DENND1A: variants seen among roughly 807,000 people sequenced by gnomAD.
DENND1A encodes DENN domain-containing protein 1A.
Under a neutral mutation model 113.7 loss-of-function variants are expected in DENND1A, and 51 were observed. That is an observed-to-expected ratio of 0.45 (90% CI 0.36 to 0.57). The LOEUF is 0.57. DENND1A is among the 20% of genes least tolerant of loss of function. The pLI is 0.00. For synonymous variants in DENND1A, 565 were observed against 570.8 expected, an observed-to-expected ratio of 0.99 and a Z score of 0.14; for missense variants, 1,258 against 1,395.9, an observed-to-expected ratio of 0.90 and a Z score of 1.57.
At chr9:123,689,098 C>T (rs1307982174) in intron 5 of DENND1A, among the ~76,000 whole-genome samples, 1 of 152,172 alleles carries the variant, frequency 6.6e-6, no homozygotes, top group Non-Finnish European at 1.5e-5. Flanking sequence ...GATCTCGGCT[C>T]ACTGCAACCT....
intron 13 of DENND1A, among the ~76,000 whole-genome samples, chr9:123,532,899 C>G (rs984082534): frequency 1.3e-5 from 2 of 152,202 alleles, no homozygotes; most frequent in Non-Finnish European, 1.5e-5. Context: ...AATAAGGCTG[C>G]AGGCCAGAGC....
chr9:123,870,346 T>A (rs1215963453), intron 2 of DENND1A, among the ~76,000 whole-genome samples: 1 of 151,330 alleles, frequency 6.6e-6, no homozygotes, highest in East Asian at 1.9e-4. Context: ...CGCGGCTCAC[T>A]GCAACCTCCA....
intron 1 of DENND1A, among the ~76,000 whole-genome samples, chr9:123,911,006 T>C (rs1466046709): frequency 1.3e-5 from 2 of 152,274 alleles, no homozygotes; most frequent in Admixed American, 6.5e-5. Context: ...TGAAGAAAGA[T>C]TTTTGTAATA....
At chr9:123,735,403 T>TG (rs1470904340) in intron 5 of DENND1A, among the ~76,000 whole-genome samples, 1 of 152,126 alleles carries the variant, frequency 6.6e-6, no homozygotes, top group Non-Finnish European at 1.5e-5. Context: ...AGATCATAAG[T>TG]GGGCAAGAGC....
intron 2 of DENND1A, among the ~76,000 whole-genome samples, chr9:123,877,350 G>A (rs185821603): frequency 2.0e-5 from 3 of 151,950 alleles, no homozygotes; most frequent in Non-Finnish European, 2.9e-5. Flanking sequence ...TTAGCCGGAC[G>A]TGGTGGTGGG....
chr9:123,647,811 T>C (rs1249987518), intron 9 of DENND1A, among the ~76,000 whole-genome samples: 1 of 152,174 alleles, frequency 6.6e-6, no homozygotes, highest in African/African-American at 2.4e-5. Context: ...TTGGTAGTCA[T>C]GAGAACTATT....
chr9:123,632,163 T>A (rs368417704), intron 9 of DENND1A, among the ~76,000 whole-genome samples: 37 of 152,284 alleles, frequency 2.4e-4, no homozygotes, highest in African/African-American at 6.0e-4. Flanking sequence ...TTGTGAGAGC[T>A]GTGTGTTAAA....
chr9:123,408,832 G>C (rs2044088721), intron 20 of DENND1A, among the ~76,000 whole-genome samples: 2 of 152,368 alleles, frequency 1.3e-5, no homozygotes, highest in South Asian at 4.1e-4. Context: ...ACAACACAGA[G>C]TCCACTGTAG....
At chr9:123,579,777 G>A (rs1005523406) in intron 12 of DENND1A, among the ~76,000 whole-genome samples, 1 of 152,188 alleles carries the variant, frequency 6.6e-6, no homozygotes, top group African/African-American at 2.4e-5. Flanking sequence ...GGCAGGGCAC[G>A]ATTTCTCCTC....
intron 19 of DENND1A, among the ~76,000 whole-genome samples, chr9:123,412,900 T>A (rs1245855174): frequency 6.6e-6 from 1 of 152,244 alleles, no homozygotes; most frequent in East Asian, 1.9e-4. Context: ...ATGTCCCATG[T>A]GTCTGGTCCA....
At chr9:123,383,508 TAC>T (rs2042392416) in intron 23 of DENND1A, 145 bp downstream of exon 23, 4 of 1,307,786 alleles carry the variant, frequency 3.1e-6, no homozygotes, top group East Asian at 4.7e-5. Context: ...GGGAGGTGTT[TAC>T]AGTCACACTG....
chr9:123,884,200 G>A (rs1255814511), intron 1 of DENND1A, among the ~76,000 whole-genome samples: 2 of 152,100 alleles, frequency 1.3e-5, no homozygotes, highest in African/African-American at 4.8e-5. Context: ...GAGGCTCTCT[G>A]CGACCACCTT....
intron 10 of DENND1A, among the ~76,000 whole-genome samples, chr9:123,616,562 G>C (rs1295932762): frequency 1.3e-5 from 2 of 152,136 alleles, no homozygotes; most frequent in Non-Finnish European, 2.9e-5. Context: ...AAAGAAATAG[G>C]AGCTAAGGGG....
At chr9:123,781,897 C>A (rs1407935583) in intron 3 of DENND1A, among the ~76,000 whole-genome samples, 1 of 152,026 alleles carries the variant, frequency 6.6e-6, no homozygotes, top group Non-Finnish European at 1.5e-5. Context: ...TGGCAAAACC[C>A]TGTCTCTACT....
At chr9:123,629,619 A>G (rs1207346307) in intron 10 of DENND1A, among the ~76,000 whole-genome samples, 1 of 152,236 alleles carries the variant, frequency 6.6e-6, no homozygotes, top group East Asian at 1.9e-4. Flanking sequence ...TCTTAAAGCC[A>G]AGTGACTTGC....
At chr9:123,544,224 C>T (rs1412284155) in intron 13 of DENND1A, among the ~76,000 whole-genome samples, 1 of 152,220 alleles carries the variant, frequency 6.6e-6, no homozygotes, top group Non-Finnish European at 1.5e-5. Context: ...GGAAGGGCTA[C>T]ACTTCCCAGC....
At chr9:123,872,567 A>C (rs949630666) in intron 2 of DENND1A, among the ~76,000 whole-genome samples, 2 of 152,346 alleles carry the variant, frequency 1.3e-5, no homozygotes, top group East Asian at 3.9e-4. Context: ...ATACTGAAAC[A>C]TTAACAGTAG....
chr9:123,636,255 A>T (rs2061693233), intron 9 of DENND1A, among the ~76,000 whole-genome samples: 1 of 152,002 alleles, frequency 6.6e-6, no homozygotes, highest in Non-Finnish European at 1.5e-5. Context: ...AGATGACCCC[A>T]GGTGACCAGG....
At chr9:123,709,800 T>C (rs1484991011) in intron 5 of DENND1A, among the ~76,000 whole-genome samples, 2 of 152,230 alleles carry the variant, frequency 1.3e-5, no homozygotes, top group Non-Finnish European at 2.9e-5. Flanking sequence ...TTGGAATTTC[T>C]AAGGAACTTG....
Sources: allele counts gnomAD v4.1 joint callset (sites outside exome capture counted in the v4.1 genomes callset), GRCh38; gene constraint gnomAD v4.1.1; transcripts MANE v1.5; gene names NCBI Gene and HGNC (gene_info 2026-07-23, HGNC 2026-07-21).